KIF5B: variants seen among roughly 807,000 people sequenced by gnomAD.
KIF5B encodes kinesin-1 heavy chain.
A neutral mutation model predicts 132.8 loss-of-function variants in KIF5B; 49 were observed. The observed-to-expected ratio is 0.37, with a 90% CI of 0.29 to 0.47. The LOEUF (loss-of-function observed/expected upper bound fraction) is 0.47. Among genes scored for constraint, KIF5B ranks in the 20% least tolerant of loss-of-function variants. KIF5B has a pLI of 1.00. For synonymous variants in KIF5B, 355 were observed against 369.4 expected (o/e 0.96, Z 0.45); for missense variants, 780 against 1,144.0 (o/e 0.68, Z 4.59).
Position 32,030,244 on chromosome 10 carries a change from C to A in KIF5B, c.1581+829G>T, listed in dbSNP as rs1469837689. ...AAAATCTCCATCTAGTCGCCAGGCA[C>A]GGTGGCTCACGCCTGTAATCCCAGC... is the stretch of plus-strand genomic sequence containing the variant. On this transcript the variant is annotated intron_variant, in intron 14 of 25. Coordinates refer to ENST00000302418, the MANE Select transcript of KIF5B (RefSeq NM_004521.3). Among the ~76,000 whole-genome samples the A allele has an allele frequency of 8.5e-5, 13 of 152,132 alleles. No individual in the cohort carries two copies. The South Asian group carries it at 2.7e-3, about 32-fold the overall frequency.
At chr10:32,051,215 C>T (rs1841690188) in intron 1 of KIF5B, among the ~76,000 whole-genome samples, 1 of 152,110 alleles carries the variant, frequency 6.6e-6, no homozygotes, top group African/African-American at 2.4e-5. Context: ...TGTGCCACCA[C>T]GCCTGGCTAA....
chr10:32,023,757 G>A (rs913826810), intron 15 of KIF5B, among the ~76,000 whole-genome samples: 2 of 152,110 alleles, frequency 1.3e-5, no homozygotes, highest in Non-Finnish European at 2.9e-5. Flanking sequence ...AGGTGCAAAG[G>A]CAATTTAATG....
chr10:32,045,855 G>A (rs1316508689), intron 2 of KIF5B, among the ~76,000 whole-genome samples: 1 of 152,138 alleles, frequency 6.6e-6, no homozygotes, highest in Non-Finnish European at 1.5e-5. Flanking sequence ...CAATCGTATA[G>A]GTAAGAGGCT....
rs563838459 is a variant in KIF5B, at chr10:32,043,908, T to C, written c.215-3451A>G. On this transcript the variant is annotated intron_variant, in intron 2 of 25. Transcript: ENST00000302418. ...CTCAAAAGAAATCCCAGCTGGCCCA[T>C]CATTCTGCTGATCTTTGCCTACCAA... is the stretch of plus-strand genomic sequence containing the variant. Among the ~76,000 whole-genome samples, 8 of 152,298 alleles carry C rather than the reference T, an allele frequency of 5.3e-5. No individual in the cohort carries two copies. The South Asian group carries it at 1.7e-3, about 32-fold the overall frequency.
intron 8 of KIF5B, among the ~76,000 whole-genome samples, chr10:32,036,551 C>G (rs915185231): frequency 2.0e-5 from 3 of 152,048 alleles, no homozygotes; most frequent in Non-Finnish European, 4.4e-5. Flanking sequence ...TCCCCAGTAG[C>G]TGGTATTACG....
At chr10:32,048,368 G>A in intron 2 of KIF5B, 96 bp downstream of exon 2, 4 of 733,362 alleles carry the variant, frequency 5.5e-6, no homozygotes, top group Middle Eastern at 2.5e-4. Flanking sequence ...TAGAAGAAAG[G>A]GGCATTAAAA....
chr10:32,023,757 G>C (rs913826810), intron 15 of KIF5B, among the ~76,000 whole-genome samples: 3 of 152,110 alleles, frequency 2.0e-5, no homozygotes, highest in Non-Finnish European at 4.4e-5. Flanking sequence ...AGGTGCAAAG[G>C]CAATTTAATG....
In KIF5B at chr10:32,037,610, G is replaced by A; in HGVS notation, c.499-3C>T. ...CATACAAAACGCTCTGTGCACCCCT[G>A]TGAAATAATTTTTAAAAATATGTTA... On this transcript the variant is annotated splice_region_variant and splice_polypyrimidine_tract_variant and intron_variant, in intron 6 of 25. Transcript: ENST00000302418. 3 of 1,596,966 alleles carry A rather than the reference G, an allele frequency of 1.9e-6. No individual in the cohort carries two copies. The highest frequency in any genetic ancestry group is 2.6e-6 in the Non-Finnish European group (3 of 1,166,716).
At chr10:32,021,501 T>G (rs562423788) in intron 17 of KIF5B, among the ~76,000 whole-genome samples, 10 of 143,932 alleles carry the variant, frequency 6.9e-5, no homozygotes, top group Admixed American at 2.8e-4. Flanking sequence ...TTATGGTTTG[T>G]TTGGTTTTTT....
chr10:32,015,648 G>T lies in KIF5B; in HGVS notation c.2773C>A (p.Arg925Ser). ...GAAGCTGCTGGATGTTGCCCGGGACGAATAGGTTTAGCTAATATGAAAAAT... is the reference window on the plus strand; with the variant it reads ...GAAGCTGCTGGATGTTGCCCGGGACTAATAGGTTTAGCTAATATGAAAAAT... ...GHSAQIAKPI[R>S]PGQHPAASPT... is the part of the protein sequence containing the mutation. Residue 925 changes from arginine (R) to serine (S), a missense_variant, in exon 25 of 26, where the codon CGT becomes AGT. Around this residue, in one of 9 missense-constraint regions of KIF5B, gnomAD observed 90 missense variants for 101.8 expected, o/e 0.88. Transcript: ENST00000302418. 3 of 1,611,524 alleles carry T rather than the reference G, an allele frequency of 1.9e-6. No homozygotes were observed. The highest frequency in any genetic ancestry group is 1.1e-5 in the South Asian group (1 of 90,678).
At chr10:32,014,684 G>A (rs1046755706) in intron 25 of KIF5B, among the ~76,000 whole-genome samples, 3 of 152,062 alleles carry the variant, frequency 2.0e-5, no homozygotes, top group African/African-American at 7.2e-5. Context: ...CTGTTAGTAA[G>A]CTGGGCTCAT....
intron 1 of KIF5B, among the ~76,000 whole-genome samples, chr10:32,049,023 C>A (rs1366517138): frequency 1.3e-5 from 2 of 152,112 alleles, no homozygotes; most frequent in African/African-American, 4.8e-5. Context: ...CATGTGCCAC[C>A]ATGCTATGTT....
intron 1 of KIF5B, 32 bp downstream of exon 1, chr10:32,055,816 C>A: frequency 2.5e-6 from 4 of 1,607,576 alleles, no homozygotes; most frequent in Non-Finnish European, 3.4e-6. Flanking sequence ...CCCGAAGAAG[C>A]GGGAGGAGGG....
At chr10:32,055,449 T>C (rs1841742182) in intron 1 of KIF5B, among the ~76,000 whole-genome samples, 1 of 152,200 alleles carries the variant, frequency 6.6e-6, no homozygotes, top group Admixed American at 6.5e-5. Context: ...CCGATCTTTA[T>C]ATTAGCATTA....
At chr10:32,036,087 T>A in intron 8 of KIF5B, 93 bp from the exon 9 acceptor site, 2 of 735,790 alleles carry the variant, frequency 2.7e-6, no homozygotes, top group Non-Finnish European at 4.1e-6. Context: ...CAATAACCAG[T>A]AAAAAAGAAA....
At chr10:32,021,757 G>A (rs954342611) in intron 17 of KIF5B, among the ~76,000 whole-genome samples, 7 of 152,078 alleles carry the variant, frequency 4.6e-5, no homozygotes, top group Non-Finnish European at 1.0e-4. Flanking sequence ...CAGATCACGA[G>A]GTCAGGAGAT....
At chr10:32,039,607 A>G (rs1841506071) in intron 3 of KIF5B, among the ~76,000 whole-genome samples, 176 bp from the exon 4 acceptor site, 1 of 152,166 alleles carries the variant, frequency 6.6e-6, no homozygotes, top group Admixed American at 6.5e-5. Flanking sequence ...AGTACTGTAC[A>G]TCAACCACAT....
At chr10:32,036,335 T>C (rs1191587365) in intron 8 of KIF5B, among the ~76,000 whole-genome samples, 1 of 152,182 alleles carries the variant, frequency 6.6e-6, no homozygotes, top group African/African-American at 2.4e-5. Flanking sequence ...TTGTAACTGT[T>C]AGAAAACAGA....
Position 32,021,242 on chromosome 10 carries a change from G to A in KIF5B, c.2078C>T (p.Thr693Ile), listed in dbSNP as rs1312132919. 6.2e-7 allele frequency: 1 copy of A among 1,613,048 alleles called. No homozygotes were observed. Among genetic ancestry groups the A allele is most frequent in the East Asian group, 2.2e-5 (1 of 44,828 alleles). ...CAAACTTGCCTTAACTTCATTTGCA[G>A]TCTGAACCTTATTTAAGTGCTCCTT... is the stretch of plus-strand genomic sequence containing the variant. ...MEKEHLNKVQ[T>I]ANEVKQAVEQ... is the part of the protein sequence containing the mutation. Residue 693 changes from threonine (T) to isoleucine (I), a missense_variant, in exon 18 of 26, where the codon ACT (threonine) becomes ATT (isoleucine). Thr to Ile is a moderately conservative substitution (Grantham distance 89). Coordinates refer to ENST00000302418, the MANE Select transcript of KIF5B (RefSeq NM_004521.3).
Sources: gnomAD v4.1 joint callset for allele counts (sites outside exome capture counted in the v4.1 genomes callset) on GRCh38, gnomAD v4.1.1 for gene constraint, gnomAD v4.1.1 regional missense constraint, MANE v1.5 for transcripts, NCBI Gene and HGNC (gene_info 2026-07-23, HGNC 2026-07-21) for gene names.